Variants in PBLD observed in about 807,000 individuals in gnomAD.
PBLD encodes phenazine biosynthesis like protein domain containing, also known as phenazine biosynthesis-like domain-containing protein.
Under a neutral mutation model 31.3 loss-of-function variants are expected in PBLD, and 26 were observed. That is an observed-to-expected ratio of 0.83 (90% CI 0.61 to 1.15). PBLD has a LOEUF of 1.15. PBLD is among the 50% of genes most tolerant of loss of function. The pLI, the probability that PBLD is intolerant of heterozygous loss-of-function variation, is 0.00. For missense variants in PBLD, 307 were observed against 351.7 expected (o/e 0.87, Z 1.02); for synonymous variants, 114 against 129.0 (o/e 0.88, Z 0.79).
At chr10:68,320,289 A>G (rs545170902) in intron 1 of PBLD, among the ~76,000 whole-genome samples, 2 of 152,358 alleles carry the variant, frequency 1.3e-5, no homozygotes, top group East Asian at 3.9e-4. Flanking sequence ...AGGACATTTT[A>G]TAACAATAAA....
intron 1 of PBLD, among the ~76,000 whole-genome samples, chr10:68,329,161 G>A (rs2044972532): frequency 6.6e-6 from 1 of 152,184 alleles, no homozygotes; most frequent in Non-Finnish European, 1.5e-5. Context: ...TTACAGGCGT[G>A]AGCCACCATA....
chr10:68,292,371 T>G, intron 4 of PBLD, 133 bp from the exon 5 acceptor site: 1 of 719,654 alleles, frequency 1.4e-6, no homozygotes, highest in East Asian at 2.7e-5. Flanking sequence ...AGGTTTGGGT[T>G]GCTGAGGTCT....
At chr10:68,295,290 T>G (rs549143750) in intron 4 of PBLD, among the ~76,000 whole-genome samples, 1 of 151,952 alleles carries the variant, frequency 6.6e-6, no homozygotes, top group East Asian at 1.9e-4. Context: ...CTCAGGAATT[T>G]GAGACCAGCC....
intron 2 of PBLD, among the ~76,000 whole-genome samples, chr10:68,304,744 T>C (rs556203502): frequency 8.5e-5 from 13 of 152,218 alleles, no homozygotes; most frequent in Admixed American, 7.2e-4. Context: ...TTCAAGGATA[T>C]TACATGCAGA....
chr10:68,286,700 T>C (rs2044292817), intron 8 of PBLD, among the ~76,000 whole-genome samples: 1 of 152,172 alleles, frequency 6.6e-6, no homozygotes, highest in Non-Finnish European at 1.5e-5. Flanking sequence ...AGAACTTCTT[T>C]TTTAGTGAGG....
Position 68,306,440 on chromosome 10 carries a change from C to G in PBLD, c.84+321G>C, listed in dbSNP as rs147255314. Among the ~76,000 whole-genome samples the G allele has an allele frequency of 5.7e-4, 87 of 152,298 alleles. 1 individual carries two copies. The South Asian group carries it at 6.0e-3, about 11-fold the overall frequency. On this transcript the variant is annotated intron_variant, in intron 2 of 9. Coordinates refer to ENST00000358769, the MANE Select transcript of PBLD (RefSeq NM_022129.4). ...CTATGTCTAGTCACACAAAACTCATCTAATTTCATTCTCCTCAACACTTGG... is the reference window on the plus strand; with the variant it reads ...CTATGTCTAGTCACACAAAACTCATGTAATTTCATTCTCCTCAACACTTGG...
At chr10:68,320,979 G>A (rs1424364813) in intron 1 of PBLD, among the ~76,000 whole-genome samples, 8 of 151,780 alleles carry the variant, frequency 5.3e-5, no homozygotes, top group South Asian at 2.1e-4. Context: ...GCACCACCAC[G>A]CCCAGCTAAC....
chr10:68,307,420 TATTATAC>T, intron 1 of PBLD, among the ~76,000 whole-genome samples: 1 of 152,208 alleles, frequency 6.6e-6, no homozygotes, highest in East Asian at 1.9e-4. Context: ...TGACTTTTCA[TATTATAC>T]ATAGAACTTA....
intron 8 of PBLD, among the ~76,000 whole-genome samples, chr10:68,286,186 A>G (rs10762203): frequency 0.75 from 111,841 of 150,024 alleles, 42,402 homozygotes; most frequent in Middle Eastern, 0.84. Context: ...CTCCCGGGTT[A>G]AAGTGATTCT....
chr10:68,331,968 A>G (rs1189823224), intron 1 of PBLD: 2 of 152,350 alleles, frequency 1.3e-5, no homozygotes, highest in Non-Finnish European at 2.9e-5. Context: ...GCCATGCGAA[A>G]CCGACTTTCC....
intron 1 of PBLD, among the ~76,000 whole-genome samples, chr10:68,309,564 C>CT (rs2044633103): frequency 6.7e-6 from 1 of 149,270 alleles, no homozygotes; most frequent in South Asian, 2.1e-4. Flanking sequence ...AATCCTAGCA[C>CT]TTTGGGAGGC....
At chr10:68,285,130 G>C (rs2044270130) in intron 9 of PBLD, 3 of 1,351,718 alleles carry the variant, frequency 2.2e-6, no homozygotes, top group Non-Finnish European at 2.8e-6. Context: ...GGCAGTTACT[G>C]TATCTGTGTC....
rs75926791 is a variant in PBLD, at chr10:68,304,044, C to T, written c.84+2717G>A. Among the ~76,000 whole-genome samples, 601 of 152,260 alleles carry T rather than the reference C, an allele frequency of 3.9e-3. 4 individuals carry two copies. The highest frequency in any genetic ancestry group is 0.014 in the African/African-American group (566 of 41,544). On this transcript the variant is annotated intron_variant, in intron 2 of 9. Transcript: ENST00000358769. Reference sequence around the variant, plus strand: ...AACCTTTGTACCTCTGGCTCCTAGCCCAGAGCCTGGCTGAATTCCTACTGA... The same window carrying T: ...AACCTTTGTACCTCTGGCTCCTAGCTCAGAGCCTGGCTGAATTCCTACTGA...
chr10:68,296,084 C>T (rs1047764611), intron 4 of PBLD, 182 bp downstream of exon 4: 19 of 451,742 alleles, frequency 4.2e-5, no homozygotes, highest in Non-Finnish European at 3.6e-5. Context: ...GGCACATACT[C>T]AGAAAGGCCA....
At chr10:68,296,502 T>C (rs1210993131) in intron 3 of PBLD, 138 bp from the exon 4 acceptor site, 11 of 648,542 alleles carry the variant, frequency 1.7e-5, no homozygotes, top group Non-Finnish European at 2.7e-5. Flanking sequence ...GAATGATGGC[T>C]AGGCAAGCAT....
At chr10:68,322,447 G>A (rs2044849513) in intron 1 of PBLD, among the ~76,000 whole-genome samples, 1 of 151,296 alleles carries the variant, frequency 6.6e-6, no homozygotes, top group African/African-American at 2.4e-5. Flanking sequence ...GATCACTGGA[G>A]CCCAGGAATT....
At chr10:68,319,816 ATTTTTATTTATTTATTTT>A (rs995864876) in intron 1 of PBLD, among the ~76,000 whole-genome samples, 1 of 147,182 alleles carries the variant, frequency 6.8e-6, no homozygotes, top group Non-Finnish European at 1.5e-5. Context: ...TTATTTATTT[ATTTTTATTTATTTATTTT>A]TTTTTTGAGA....
At chr10:68,306,084 G>C (rs976932759) in intron 2 of PBLD, among the ~76,000 whole-genome samples, 2 of 149,636 alleles carry the variant, frequency 1.3e-5, no homozygotes, top group Non-Finnish European at 2.9e-5. Flanking sequence ...TTGACCTTGA[G>C]GGTCAATATT....
In PBLD at chr10:68,284,191, T is replaced by C. The variant is rs1290180872; in HGVS notation, c.853A>G (p.Thr285Ala). ...CATAACCACCTCTAGGCTGTCAGTG[T>C]GCCCTCTAAAACAACAGCTGCACCT... Reference protein sequence around the residue: ...RGGAAVVLEGTLTA With the variant: ...RGGAAVVLEGALTA The change falls in exon 10 of 10, where the codon ACA becomes GCA. Residue 285 changes from threonine to alanine, a missense_variant. By Grantham distance (58) the Thr-to-Ala change is moderately conservative. Transcript: ENST00000358769. 6.2e-7 allele frequency: 1 copy of C among 1,613,892 alleles called. No homozygotes were observed. Among genetic ancestry groups the C allele is most frequent in the East Asian group, 2.2e-5 (1 of 44,862 alleles).
Sources: gnomAD v4.1 joint callset for allele counts (sites outside exome capture counted in the v4.1 genomes callset) on GRCh38, gnomAD v4.1.1 for gene constraint, MANE v1.5 for transcripts, NCBI Gene and HGNC (gene_info 2026-07-23, HGNC 2026-07-21) for gene names.